Variants in MTARC2 observed in about 807,000 individuals in gnomAD.
MTARC2 encodes the protein mitochondrial amidoxime reducing component 2.
A neutral mutation model predicts 35.6 loss-of-function variants in MTARC2; 27 were observed. The ratio of observed to expected loss-of-function variants is 0.76; its 90% CI spans 0.56 to 1.04. MTARC2 has a LOEUF of 1.04. MTARC2 is among the 50% of genes least tolerant of loss of function. The pLI, the probability that MTARC2 is intolerant of heterozygous loss-of-function variation, is 0.00. For synonymous variants in MTARC2, 158 were observed against 167.1 expected, an observed-to-expected ratio of 0.95 and a Z score of 0.42; for missense variants, 412 against 432.5, an observed-to-expected ratio of 0.95 and a Z score of 0.42.
intron 2 of MTARC2, among the ~76,000 whole-genome samples, chr1:220,758,215 C>G (rs1172150490): frequency 6.6e-6 from 1 of 151,908 alleles, no homozygotes; most frequent in Non-Finnish European, 1.5e-5. Context: ...GATCTCCTGA[C>G]CTTGTGATCC....
At chr1:220,764,604 T>C (rs957751284) in intron 4 of MTARC2, among the ~76,000 whole-genome samples, 16 of 152,016 alleles carry the variant, frequency 1.1e-4, no homozygotes, top group African/African-American at 3.9e-4. Flanking sequence ...CTGGATAACA[T>C]GGCAAAACCC....
chr1:220,768,927 A>G (rs936418815), intron 4 of MTARC2, among the ~76,000 whole-genome samples: 1 of 152,104 alleles, frequency 6.6e-6, no homozygotes, highest in African/African-American at 2.4e-5. Context: ...AGCTTCTGAC[A>G]TGCGTATATT....
chr1:220,779,233 A>G (rs1462923006), intron 4 of MTARC2, among the ~76,000 whole-genome samples: 1 of 152,170 alleles, frequency 6.6e-6, no homozygotes, highest in African/African-American at 2.4e-5. Flanking sequence ...CAATCTCTAT[A>G]TTCCTCATAT....
intron 2 of MTARC2, among the ~76,000 whole-genome samples, chr1:220,757,632 C>T (rs2102547238): frequency 6.6e-6 from 1 of 152,286 alleles, no homozygotes; most frequent in South Asian, 2.1e-4. Flanking sequence ...GTTATGTCCT[C>T]ACATGACCTT....
chr1:220,761,722 T>A lies in MTARC2; in HGVS notation c.511T>A (p.Phe171Ile). 6.2e-7 allele frequency: 1 copy of A among 1,614,178 alleles called. No individual in the cohort carries two copies. The highest frequency in any genetic ancestry group is 1.6e-4 in the Middle Eastern group (1 of 6,062). The change falls in exon 3 of 8, where the codon TTC (phenylalanine) becomes ATC (isoleucine). Residue 171 changes from phenylalanine (F) to isoleucine (I), a missense_variant. Physicochemically the swap from Phe to Ile is conservative, Grantham distance 21 (BLOSUM62 0). Transcript: ENST00000366913. Reference protein sequence around the residue: ...GNEAAKWFTNFLKTEAYRLVQ... With the variant: ...GNEAAKWFTNILKTEAYRLVQ... ...TGAGGCAGCTAAGTGGTTCACCAAC[T>A]TCTTGAAAACTGAAGCGTATAGATT...
chr1:220,761,690 G>C lies in MTARC2; in HGVS notation c.479G>C (p.Cys160Ser). 6.2e-7 allele frequency: 1 copy of C among 1,614,000 alleles called. No homozygotes were observed. The highest frequency in any genetic ancestry group is 8.5e-7 in the Non-Finnish European group (1 of 1,179,992). ...IFGLDIKGRD[C>S]GNEAAKWFTN... ...GGCCTTGACATTAAAGGCAGAGACT[G>C]TGGCAATGAGGCAGCTAAGTGGTTC... The change falls in exon 3 of 8, where the codon TGT (cysteine) becomes TCT (serine). Residue 160 changes from cysteine to serine, a missense_variant. Cys to Ser is a moderately radical substitution (Grantham distance 112). Transcript: ENST00000366913.
At chr1:220,773,741 G>A (rs1340371355) in intron 4 of MTARC2, among the ~76,000 whole-genome samples, 1 of 151,968 alleles carries the variant, frequency 6.6e-6, no homozygotes, top group Non-Finnish European at 1.5e-5. Context: ...AGAATCTAAT[G>A]AACTATCTAG....
At chr1:220,764,775 A>T (rs1001229794) in intron 4 of MTARC2, among the ~76,000 whole-genome samples, 26 of 99,170 alleles carry the variant, frequency 2.6e-4, no homozygotes, top group Non-Finnish European at 2.9e-4. Context: ...CTGTGTATTT[A>T]AAAAAAAAAA....
intron 4 of MTARC2, among the ~76,000 whole-genome samples, chr1:220,766,366 T>G (rs774148): frequency 0.037 from 5,709 of 152,262 alleles, 335 homozygotes; most frequent in African/African-American, 0.13. Context: ...AGTTCTAGTT[T>G]CCCACATTGT....
intron 7 of MTARC2, among the ~76,000 whole-genome samples, chr1:220,783,647 C>G (rs1201633746): frequency 6.6e-6 from 1 of 152,166 alleles, no homozygotes; most frequent in African/African-American, 2.4e-5. Context: ...GCCCAGAAGG[C>G]CTTGTGTAAT....
At chr1:220,761,034 T>G (rs1027555794) in intron 2 of MTARC2, among the ~76,000 whole-genome samples, 14 of 152,256 alleles carry the variant, frequency 9.2e-5, no homozygotes, top group African/African-American at 3.1e-4. Context: ...ACCTGTCAAC[T>G]TATAGTTCTG....
At chr1:220,752,450 T>C (rs1671148654) in intron 1 of MTARC2, among the ~76,000 whole-genome samples, 1 of 152,156 alleles carries the variant, frequency 6.6e-6, no homozygotes, top group African/African-American at 2.4e-5. Flanking sequence ...AGTCAGTGGA[T>C]GCCTGCCTAT....
chr1:220,782,799 A>T (rs557631825), intron 7 of MTARC2, among the ~76,000 whole-genome samples: 2 of 152,284 alleles, frequency 1.3e-5, no homozygotes, highest in Admixed American at 1.3e-4. Flanking sequence ...GCATCTTCCT[A>T]ACTTGGTTGA....
intron 1 of MTARC2, among the ~76,000 whole-genome samples, chr1:220,754,195 G>C (rs1406487922): frequency 6.6e-6 from 1 of 152,128 alleles, no homozygotes; most frequent in African/African-American, 2.4e-5. Flanking sequence ...CTATATGCTA[G>C]GCTGTAGGTA....
chr1:220,780,301 G>A (rs1572321493), intron 6 of MTARC2, 62 bp downstream of exon 6: 6 of 1,429,266 alleles, frequency 4.2e-6, no homozygotes. Context: ...CTACCTATGG[G>A]TTTAGGTGCT....
At chr1:220,753,329 T>C (rs2935225) in intron 1 of MTARC2, among the ~76,000 whole-genome samples, 52,500 of 152,122 alleles carry the variant, frequency 0.35, 11,377 homozygotes, top group East Asian at 0.7. Context: ...AAGCAGGTAG[T>C]CAAGACAGTT....
chr1:220,765,610 TCACCCAGACTGGAGTACA>T (rs1671559190), intron 4 of MTARC2, among the ~76,000 whole-genome samples: 1 of 152,138 alleles, frequency 6.6e-6, no homozygotes, highest in Admixed American at 6.5e-5. Flanking sequence ...TCTCACTGTG[TCACCCAGACTGGAGTACA>T]GTGGTGCAAT....
Position 220,781,826 on chromosome 1 carries a change from A to C in MTARC2, c.933A>C (p.Pro311=), listed in dbSNP as rs12030434. 5 of 1,614,132 alleles carry C rather than the reference A, an allele frequency of 3.1e-6. No homozygotes were observed. The highest frequency in any genetic ancestry group is 4.2e-6 in the Non-Finnish European group (5 of 1,180,010). Residue 311 remains proline (P), a synonymous_variant, in exon 7 of 8, where the codon CCA becomes CCC. Transcript: ENST00000366913. ...AGAGGGAATTGTACAAGTTGTCTCC[A>C]CTTTTTGGGATCTATTATTCAGTGG... ...PSERELYKLS[P]LFGIYYSVEK...
Position 220,748,624 on chromosome 1 carries a change from C to T in MTARC2, c.93C>T (p.Ala31=). The part of the protein sequence containing the change: ...RWLGVAALGL[A]AVALGTVAWR... The stretch of plus-strand genomic sequence containing the variant: ...TCGGGGTCGCCGCGCTAGGACTGGC[C>T]GCCGTGGCCCTGGGGACTGTCGCCT... The change falls in exon 1 of 8, where the codon GCC becomes GCT. Residue 31 remains alanine (A), a synonymous_variant. Transcript: ENST00000366913. 2.7e-6 allele frequency: 4 copies of T among 1,489,116 alleles called. No homozygotes were observed. The highest frequency in any genetic ancestry group is 3.5e-6 in the Non-Finnish European group (4 of 1,127,454). The allele number at this position is 1,489,116 out of a possible 1,614,324, so 92.2% of individuals were successfully genotyped here.
Sources: gnomAD v4.1 joint callset for allele counts (sites outside exome capture counted in the v4.1 genomes callset) on GRCh38, gnomAD v4.1.1 for gene constraint, MANE v1.5 for transcripts, NCBI Gene and HGNC (gene_info 2026-07-23, HGNC 2026-07-21) for gene names.